Variants in PEX6 observed in about 807,000 individuals in gnomAD.
The protein encoded by PEX6 is peroxisome biogenesis factor 6.
A neutral mutation model predicts 85.6 loss-of-function variants in PEX6; 55 were observed. That is an observed-to-expected ratio of 0.64 (90% confidence interval 0.52 to 0.80). The LOEUF is 0.80. Among genes scored for constraint, PEX6 ranks in the 30% least tolerant of loss-of-function variants. The probability of loss-of-function intolerance (pLI) is 0.00; values close to 1 mark genes in which losing one functional copy is unlikely to be tolerated. For synonymous variants in PEX6, 519 were observed against 549.1 expected, an observed-to-expected ratio of 0.95 and a Z score of 0.77; for missense variants, 1,099 against 1,260.3, an observed-to-expected ratio of 0.87 and a Z score of 1.94.
rs570044020 is a variant in PEX6 at position 42,974,195 on chromosome 6, G to A, written c.1047-109C>T. The A allele has an allele frequency of 3.0e-5, 24 of 813,542 alleles. 1 individual carries two copies. The Middle Eastern group carries it at 1.0e-3, about 35-fold the overall frequency. 50.4% of individuals were successfully genotyped at this position (813,542 alleles called of 1,614,324 possible). A position where few individuals can be genotyped will look rare whatever the true frequency, so the allele number is the denominator to read the frequency against. ...AGACTACTTCTTGAGTCTACTGCCC[G>A]CCCAGAGATCCCACGCAGTTCTCCA... On this transcript the variant is annotated intron_variant, in intron 2 of 16. Coordinates refer to ENST00000304611, the MANE Select transcript of PEX6 (RefSeq NM_000287.4).
rs1421047167 is a variant in PEX6 at position 42,968,507 on chromosome 6, G to A, written c.1480-9C>T. On this transcript the variant is annotated splice_polypyrimidine_tract_variant and intron_variant, in intron 6 of 16. Transcript: ENST00000304611. The stretch of plus-strand genomic sequence containing the variant: ...AGGCTGGAGCAGGGCACCTGGGGAG[G>A]GGATCCCAATGGGTCTGTGAGCAAG... The A allele has an allele frequency of 6.4e-7, 1 of 1,561,110 alleles. No individual in the cohort carries two copies. The highest frequency in any genetic ancestry group is 1.4e-5 in the African/African-American group (1 of 73,568).
At chr6:42,969,827 G>C (rs200792372) in intron 4 of PEX6, 26 bp from the exon 5 acceptor site, 1 of 1,613,874 alleles carries the variant, frequency 6.2e-7, no homozygotes, top group Admixed American at 1.7e-5. Context: ...AAAAGCTTTC[G>C]TTTCTAAAAA....
Position 42,965,908 on chromosome 6 carries a change from G to C in PEX6, c.2363-119C>G, listed in dbSNP as rs1175796624. On this transcript the variant is annotated intron_variant, in intron 12 of 16. Transcript: ENST00000304611. This position sits in a 1 kb window ranked among gnomAD's most constrained non-coding sequence, Gnocchi z 5.0. ...TACAGCACTGGCATCCCAGGTACTA[G>C]ACCCAGCTGGGCAGGAACCTGACTT... is the stretch of plus-strand genomic sequence containing the variant. 7.6e-7 allele frequency: 1 copy of C among 1,308,294 alleles called. No individual in the cohort carries two copies. Among genetic ancestry groups the C allele is most frequent in the Non-Finnish European group, 1.1e-6 (1 of 906,066 alleles). The allele number at this position is 1,308,294 out of a possible 1,614,324, so 81.0% of individuals were successfully genotyped here.
intron 2 of PEX6, 108 bp from the exon 3 acceptor site, chr6:42,974,194 C>T (rs930650896): frequency 9.8e-6 from 8 of 819,820 alleles, no homozygotes; most frequent in South Asian, 2.7e-5. Flanking sequence ...GTCTACTGCC[C>T]GCCCAGAGAT....
chr6:42,978,761 G>A lies in PEX6; in HGVS notation c.390C>T (p.Thr130=), dbSNP rs753963225. 1.4e-5 allele frequency: 21 copies of A among 1,534,950 alleles called. No homozygotes were observed. In the African/African-American group the frequency reaches 2.3e-4, roughly 17 times the overall value. The change falls in exon 1 of 17, where the codon ACC becomes ACT. Residue 130 remains threonine (T), a synonymous_variant. Transcript: ENST00000304611. ...VGPLLVRRGE[T]LPVPGPRVLE... is the part of the protein sequence containing the mutation. ...GCACCCGCGGTCCGGGCACTGGGAG[G>A]GTCTCTCCGCGCCTCACCAGCAGCG...
Position 42,965,934 on chromosome 6 carries a change from G to T in PEX6, c.2362+110C>A. 1 of 1,409,978 alleles carries T rather than the reference G, an allele frequency of 7.1e-7. No individual in the cohort carries two copies. Among genetic ancestry groups the T allele is most frequent in the Non-Finnish European group, 1.0e-6 (1 of 997,362 alleles). The allele number at this position is 1,409,978 out of a possible 1,614,324, so 87.3% of individuals were successfully genotyped here. A position where few individuals can be genotyped will look rare whatever the true frequency, so the allele number is the denominator to read the frequency against. On this transcript the variant is annotated intron_variant, in intron 12 of 16. Coordinates refer to ENST00000304611, the MANE Select transcript of PEX6 (RefSeq NM_000287.4). This position sits in a 1 kb window ranked among gnomAD's most constrained non-coding sequence, Gnocchi z 5.0. ...ACCCAGCTGGGCAGGAACCTGACTT[G>T]TAGAAAGGAGGATTAGGAATGATCA...
intron 11 of PEX6, 31 bp downstream of exon 11, chr6:42,966,211 A>C (rs1371857889): frequency 1.2e-6 from 2 of 1,610,798 alleles, no homozygotes; most frequent in Non-Finnish European, 1.7e-6. Context: ...CCCCTGATCC[A>C]CCCACCATCC....
chr6:42,973,886 T>TA (rs771340838), intron 3 of PEX6, 117 bp downstream of exon 3: 8 of 755,534 alleles, frequency 1.1e-5, no homozygotes, highest in Non-Finnish European at 1.9e-5. Context: ...ACACACAAAA[T>TA]ACATGACAAC....
At chr6:42,969,026 C>T (rs1193625493) in intron 5 of PEX6, 41 bp from the exon 6 acceptor site, 1 of 1,395,140 alleles carries the variant, frequency 7.2e-7, no homozygotes, top group South Asian at 1.2e-5. Context: ...TCATTTTGCC[C>T]AAACATTAGA....
rs1312046205 is a variant in PEX6 at position 42,965,580 on chromosome 6, C to G, written c.2471+101G>C. 1 of 964,672 alleles carries G rather than the reference C, an allele frequency of 1.0e-6. No individual in the cohort carries two copies. Among genetic ancestry groups the G allele is most frequent in the Non-Finnish European group, 1.7e-6 (1 of 588,114 alleles). The allele number at this position is 964,672 out of a possible 1,614,324, so 59.8% of individuals were successfully genotyped here. On this transcript the variant is annotated intron_variant, in intron 13 of 16. Transcript: ENST00000304611. This position sits in a 1 kb window ranked among gnomAD's most constrained non-coding sequence, Gnocchi z 5.0. ...CCATTATATTATCTCAGAACTGAAA[C>G]AGCAGGAACTTCTATCTCTGGACTC...
At chr6:42,974,118 C>G (rs373383666) in intron 2 of PEX6, 32 bp from the exon 3 acceptor site, 15 of 1,530,206 alleles carry the variant, frequency 9.8e-6, no homozygotes, top group Non-Finnish European at 1.4e-5. Context: ...GGTCAGGTCA[C>G]AATGGGAGTA....
At chr6:42,974,213 G>A (rs1770175605) in intron 2 of PEX6, 127 bp from the exon 3 acceptor site, 2 of 726,880 alleles carry the variant, frequency 2.8e-6, no homozygotes, top group Admixed American at 2.0e-5. Context: ...ATCCCACGCA[G>A]TTCTCCAAGG....
At position 42,965,734 on chromosome 6, in the gene PEX6, G is replaced by A; in HGVS notation, c.2418C>T (p.Asp806=). ...APCIIFFDEL[D]SLAPSRGRSG... is the part of the protein sequence containing the mutation. ...TTCGCCCCCGGCTTGGGGCCAAAGA[G>A]TCCAGTTCATCAAAGAAGATAATGC... Residue 806 remains aspartate (D), a synonymous_variant, in exon 13 of 17, where the codon GAC becomes GAT. Transcript: ENST00000304611. The surrounding 1 kb of genome is among the most constrained non-coding windows in gnomAD (Gnocchi z 5.0). 6.2e-7 allele frequency: 1 copy of A among 1,614,106 alleles called. No individual in the cohort carries two copies. Among genetic ancestry groups the A allele is most frequent in the Non-Finnish European group, 8.5e-7 (1 of 1,179,988 alleles).
At position 42,965,706 on chromosome 6, in the gene PEX6, C is replaced by T. The variant is rs2114238463; in HGVS notation, c.2446G>A (p.Gly816Arg). 6.2e-7 allele frequency: 1 copy of T among 1,613,968 alleles called. No homozygotes were observed. The highest frequency in any genetic ancestry group is 8.5e-7 in the Non-Finnish European group (1 of 1,179,850). ...CTGTCCATCACTCCTCCAGAATCTC[C>T]ACTTCGCCCCCGGCTTGGGGCCAAA... ...DSLAPSRGRS[G>R]DSGGVMDRVV... Residue 816 changes from glycine (G) to arginine (R), a missense_variant, in exon 13 of 17, where the codon GGA becomes AGA. Gly to Arg is a moderately radical substitution (Grantham distance 125, BLOSUM62 -2). Coordinates refer to ENST00000304611, the MANE Select transcript of PEX6 (RefSeq NM_000287.4). This position sits in a 1 kb window ranked among gnomAD's most constrained non-coding sequence, Gnocchi z 5.0.
rs987165632 is a variant in PEX6, at chr6:42,969,895, G to A, written c.1223C>T (p.Ser408Phe). 19 of 1,614,082 alleles carry A rather than the reference G, an allele frequency of 1.2e-5. No homozygotes were observed. Among genetic ancestry groups the A allele is most frequent in the Non-Finnish European group, 1.4e-5 (16 of 1,180,026 alleles). The change falls in exon 4 of 17, where the codon TCC (serine) becomes TTC (phenylalanine). Residue 408 changes from serine (S) to phenylalanine (F), a missense_variant. Physicochemically the swap from Ser to Phe is radical, Grantham distance 155. Coordinates refer to ENST00000304611, the MANE Select transcript of PEX6 (RefSeq NM_000287.4). ...SAYLADTTHT[S>F]LYMVGSTLSP... ...TCCTTGGGGCCTCACCATGTACAAG[G>A]AGGTATGGGTGGTGTCGGCCAAGTA...
At chr6:42,967,947 C>CTT (rs34767122) in intron 7 of PEX6, among the ~76,000 whole-genome samples, 71 of 136,386 alleles carry the variant, frequency 5.2e-4, no homozygotes, top group Middle Eastern at 7.5e-3. Flanking sequence ...CCCGCTCCCC[C>CTT]TTTTTTTTTT....
At position 42,978,734 on chromosome 6, in the gene PEX6, C is replaced by T; in HGVS notation, c.417G>A (p.Leu139=). Residue 139 remains leucine (L), a synonymous_variant, in exon 1 of 17, where the codon CTG becomes CTA. Coordinates refer to ENST00000304611, the MANE Select transcript of PEX6 (RefSeq NM_000287.4). ...GCCCTTGCAACGCCGGCCGCGTCTCCAGCACCCGCGGTCCGGGCACTGGGA... is the reference window on the plus strand; with the variant it reads ...GCCCTTGCAACGCCGGCCGCGTCTCTAGCACCCGCGGTCCGGGCACTGGGA... ...ETLPVPGPRV[L]ETRPALQGLL... is the part of the protein sequence containing the mutation. 2 of 1,538,142 alleles carry T rather than the reference C, an allele frequency of 1.3e-6. No homozygotes were observed. Among genetic ancestry groups the T allele is most frequent in the Non-Finnish European group, 1.7e-6 (2 of 1,148,012 alleles).
At chr6:42,978,146 G>C in intron 1 of PEX6, 123 bp downstream of exon 1, 1 of 1,254,798 alleles carries the variant, frequency 8.0e-7, no homozygotes, top group South Asian at 1.2e-5. Context: ...CGCCCGGCTA[G>C]AAACATTATG....
chr6:42,966,813 G>A lies in PEX6; in HGVS notation c.1930C>T (p.Arg644Trp), dbSNP rs769896492. ...TTCTTGATCCTGGTGCAGGCTGCCCGGCTGCTGTGGGTCAGAAGGGCATAG... is the reference window on the plus strand; with the variant it reads ...TTCTTGATCCTGGTGCAGGCTGCCCAGCTGCTGTGGGTCAGAAGGGCATAG... ...DLYALLTHSS[R>W]AACTRIKNSG... is the part of the protein sequence containing the mutation. Residue 644 changes from arginine to tryptophan, a missense_variant, in exon 9 of 17, where the codon CGG becomes TGG. Physicochemically the swap from Arg to Trp is moderately radical, Grantham distance 101. This residue lies in a region of PEX6 where 514 missense variants were observed against 627.0 expected (regional missense o/e 0.82). Coordinates refer to ENST00000304611, the MANE Select transcript of PEX6 (RefSeq NM_000287.4). 3.6e-5 allele frequency: 58 copies of A among 1,613,606 alleles called. No homozygotes were observed. The highest frequency in any genetic ancestry group is 6.6e-5 in the South Asian group (6 of 91,076).
Sources: gnomAD v4.1 joint callset for allele counts (sites outside exome capture counted in the v4.1 genomes callset) on GRCh38, gnomAD v4.1.1 for gene constraint, gnomAD v4.1.1 regional missense constraint, Gnocchi (gnomAD v3.1) non-coding constraint, MANE v1.5 for transcripts, NCBI Gene and HGNC (gene_info 2026-07-23, HGNC 2026-07-21) for gene names.